Variants in CWF19L1 observed in about 807,000 individuals in gnomAD.
CWF19L1 encodes CWF19-like protein 1.
CWF19L1 carries 60 observed loss-of-function variants against 69.7 expected under a neutral mutation model. That is an observed-to-expected ratio of 0.86 (90% CI 0.70 to 1.07). The LOEUF (loss-of-function observed/expected upper bound fraction) is 1.07, where lower values mean the gene tolerates loss of function less well. Ranked by LOEUF, CWF19L1 falls within the 50% of genes least tolerant of loss-of-function variation. The probability of loss-of-function intolerance (pLI) is 0.00; values close to 1 mark genes in which losing one functional copy is unlikely to be tolerated. For synonymous variants in CWF19L1, 209 were observed against 222.2 expected, an observed-to-expected ratio of 0.94 and a Z score of 0.53; for missense variants, 591 against 638.9, an observed-to-expected ratio of 0.92 and a Z score of 0.81.
At chr10:100,237,077 C>T (rs1207491141) in intron 11 of CWF19L1, 108 bp from the exon 12 acceptor site, 2 of 1,323,798 alleles carry the variant, frequency 1.5e-6, no homozygotes, top group African/African-American at 1.5e-5. Flanking sequence ...AGAAACACCC[C>T]TCAGCACAGA....
chr10:100,259,686 T>C (rs1264820928), intron 4 of CWF19L1, among the ~76,000 whole-genome samples: 1 of 151,892 alleles, frequency 6.6e-6, no homozygotes, highest in Non-Finnish European at 1.5e-5. Flanking sequence ...GGCTAAGTGG[T>C]AGAAATAATA....
rs1329729598 is a variant in CWF19L1 at position 100,256,302 on chromosome 10, G to A, written c.464C>T (p.Ser155Phe). Residue 155 changes from serine (S) to phenylalanine (F), a missense_variant, in exon 5 of 14, where the codon TCC becomes TTC. Coordinates refer to ENST00000354105, the MANE Select transcript of CWF19L1 (RefSeq NM_018294.6). ...QFKGVDILLT[S>F]PWPKCVGNFG... ...GTTCCCCACACACTTGGGCCATGGG[G>A]ATGTGAGCAAGATATCAACACCCTT... The A allele has an allele frequency of 6.2e-7, 1 of 1,614,018 alleles. No homozygotes were observed. The highest frequency in any genetic ancestry group is 1.7e-5 in the Admixed American group (1 of 60,008).
At chr10:100,237,339 C>T (rs1308246543) in intron 11 of CWF19L1, 1 of 465,462 alleles carries the variant, frequency 2.1e-6, no homozygotes, top group African/African-American at 2.0e-5. Flanking sequence ...GAGCTGCTAG[C>T]CCCATGCAGG....
In CWF19L1 at chr10:100,232,334, T is replaced by G. The variant is rs184210689; in HGVS notation, c.*893A>C. 1 of 152,388 alleles carries G rather than the reference T, an allele frequency of 6.6e-6. No individual in the cohort carries two copies. Among genetic ancestry groups the G allele is most frequent in the African/African-American group, 2.4e-5 (1 of 41,584 alleles). The allele number at this position is 152,388 out of a possible 1,614,324, so 9.4% of individuals were successfully genotyped here. A position where few individuals can be genotyped will look rare whatever the true frequency, so the allele number is the denominator to read the frequency against. On this transcript the variant is annotated 3_prime_UTR_variant, in exon 14 of 14. Transcript: ENST00000354105. ...AACATCTGGATTTCATTTGGTAGTT[T>G]AAAGGTTTTTGAAAATGTTGATATA...
chr10:100,243,334 G>A (rs961006644), intron 10 of CWF19L1, among the ~76,000 whole-genome samples: 2 of 152,126 alleles, frequency 1.3e-5, no homozygotes, highest in Non-Finnish European at 2.9e-5. Context: ...CAACATGGAT[G>A]AACCTCAAGA....
At chr10:100,257,376 C>T (rs1412217430) in intron 4 of CWF19L1, among the ~76,000 whole-genome samples, 1 of 149,824 alleles carries the variant, frequency 6.7e-6, no homozygotes, top group Non-Finnish European at 1.5e-5. Flanking sequence ...TCATTGCAAC[C>T]TCCACCTCCG....
intron 1 of CWF19L1, chr10:100,262,474 T>C: frequency 5.1e-6 from 5 of 985,336 alleles, no homozygotes; most frequent in Non-Finnish European, 6.0e-6. Context: ...CCTATCTTAG[T>C]ACAGGGCTTC....
At chr10:100,240,199 C>T (rs761105263) in intron 10 of CWF19L1, among the ~76,000 whole-genome samples, 1 of 152,138 alleles carries the variant, frequency 6.6e-6, no homozygotes, top group Non-Finnish European at 1.5e-5. Flanking sequence ...TGGTTCTCCC[C>T]GTAAGTAAAA....
At chr10:100,243,555 T>C (rs1846705132) in intron 10 of CWF19L1, 143 bp downstream of exon 10, 2 of 717,258 alleles carry the variant, frequency 2.8e-6, no homozygotes, top group Non-Finnish European at 2.5e-6. Flanking sequence ...CACGTGATGG[T>C]GGCATAACTC....
At chr10:100,248,345 TA>T in intron 7 of CWF19L1, 1 of 999,726 alleles carries the variant, frequency 1.0e-6, no homozygotes. Flanking sequence ...CTGCCCTATA[TA>T]ATGTGGATGC....
chr10:100,239,018 G>A (rs1179053160), intron 10 of CWF19L1, among the ~76,000 whole-genome samples: 1 of 146,864 alleles, frequency 6.8e-6, no homozygotes, highest in Admixed American at 6.9e-5. Context: ...TACTCCTTGG[G>A]CTCACAAAAA....
chr10:100,260,929 T>C, intron 3 of CWF19L1, 37 bp downstream of exon 3: 2 of 1,317,916 alleles, frequency 1.5e-6, no homozygotes, highest in Non-Finnish European at 2.1e-6. Context: ...TGAAATTTTA[T>C]TAGAAATCAT....
chr10:100,262,144 TTAGA>T (rs1404532306), intron 1 of CWF19L1, 81 bp from the exon 2 acceptor site: 20 of 1,525,778 alleles, frequency 1.3e-5, no homozygotes, highest in African/African-American at 2.8e-5. Context: ...GTCTTTTGGA[TTAGA>T]TAGATACATG....
chr10:100,251,494 T>A (rs1303550685), intron 6 of CWF19L1, among the ~76,000 whole-genome samples: 2 of 151,344 alleles, frequency 1.3e-5, no homozygotes, highest in African/African-American at 2.4e-5. Flanking sequence ...TCTTTTTATA[T>A]GTCTATTGGC....
In CWF19L1 at chr10:100,253,422, G is replaced by A. The variant is rs150239404; in HGVS notation, c.622C>T (p.Arg208Ter). The change falls in exon 6 of 14, where the codon CGA becomes TGA. Residue 208 changes from arginine to a stop codon, truncating the protein, a stop_gained and splice_region_variant. Coordinates refer to ENST00000354105, the MANE Select transcript of CWF19L1 (RefSeq NM_018294.6). LOFTEE classifies it high-confidence loss of function. ...EKTYYERLPY[R>*]NHIILQENAQ... is the part of the protein sequence containing the mutation. Reference sequence around the variant, plus strand: ...CAAGAAGAATGAAATGCTACTCACCGATATGGAAGCCTCTCATAATAGGTC... The same window carrying A: ...CAAGAAGAATGAAATGCTACTCACCAATATGGAAGCCTCTCATAATAGGTC... 38 of 1,552,088 alleles carry A rather than the reference G, an allele frequency of 2.4e-5. No homozygotes were observed. The highest frequency in any genetic ancestry group is 8.1e-5 in the African/African-American group (6 of 73,630).
intron 1 of CWF19L1, 87 bp from the exon 2 acceptor site, chr10:100,262,150 A>G: frequency 6.6e-7 from 1 of 1,510,082 alleles, no homozygotes; most frequent in Non-Finnish European, 8.8e-7. Context: ...TGGATTAGAT[A>G]GATACATGAT....
chr10:100,238,050 T>C lies in CWF19L1; in HGVS notation c.1226A>G (p.Asn409Ser). The change falls in exon 11 of 14, where the codon AAT becomes AGT. Residue 409 changes from asparagine (N) to serine (S), a missense_variant. Physicochemically the swap from Asn to Ser is conservative, Grantham distance 46. Transcript: ENST00000354105. ...TAGCTGGAGGTGATGGCTCTTATAA[T>C]TTCTCTCAAATACAACACACCATTT... ...RGKWCVVFER[N>S]YKSHHLQLQV... The C allele has an allele frequency of 1.2e-6, 2 of 1,614,172 alleles. No individual in the cohort carries two copies. The highest frequency in any genetic ancestry group is 1.7e-6 in the Non-Finnish European group (2 of 1,180,010).
At chr10:100,253,724 A>G (rs1847118375) in intron 5 of CWF19L1, 185 bp from the exon 6 acceptor site, 1 of 512,204 alleles carries the variant, frequency 2.0e-6, no homozygotes, top group Non-Finnish European at 3.4e-6. Flanking sequence ...AAGGGAGCTG[A>G]ACTACTATGA....
intron 11 of CWF19L1, 97 bp downstream of exon 11, chr10:100,237,925 A>T: frequency 8.5e-7 from 1 of 1,178,004 alleles, no homozygotes; most frequent in Non-Finnish European, 1.2e-6. Flanking sequence ...CTAGGATTAC[A>T]GGCGTGAGCC....
Sources: gnomAD v4.1 joint callset for allele counts (sites outside exome capture counted in the v4.1 genomes callset) on GRCh38, gnomAD v4.1.1 for gene constraint, MANE v1.5 for transcripts, NCBI Gene and HGNC (gene_info 2026-07-23, HGNC 2026-07-21) for gene names.